Variants in CPNE4 observed in about 807,000 individuals in gnomAD.
CPNE4 encodes the protein copine 4, also known as copine-4.
In CPNE4, 25 loss-of-function variants were observed where a neutral mutation model predicts 67.9. The ratio of observed to expected loss-of-function variants is 0.37; its 90% CI spans 0.27 to 0.51. CPNE4 has a LOEUF of 0.51. Ranked by LOEUF, CPNE4 falls within the 20% of genes least tolerant of loss-of-function variation. The probability of loss-of-function intolerance (pLI) is 0.93; values close to 1 mark genes in which losing one functional copy is unlikely to be tolerated. For synonymous variants in CPNE4, 242 were observed against 244.9 expected (o/e 0.99, Z 0.11); for missense variants, 464 against 690.8 (o/e 0.67, Z 3.68).
intron 2 of CPNE4, among the ~76,000 whole-genome samples, chr3:131,862,557 T>C (rs1188251007): frequency 4.6e-5 from 7 of 152,150 alleles, no homozygotes; most frequent in Non-Finnish European, 2.9e-5. Flanking sequence ...ACATTCATTT[T>C]GATCCAAACA....
intron 2 of CPNE4, among the ~76,000 whole-genome samples, chr3:131,864,954 A>C (rs1396869272): frequency 6.6e-6 from 1 of 150,662 alleles, no homozygotes; most frequent in African/African-American, 2.4e-5. Context: ...TTCTGCATCT[A>C]TTGAGATAAT....
At chr3:131,584,819 A>G (rs1938073848) in intron 8 of CPNE4, among the ~76,000 whole-genome samples, 1 of 152,142 alleles carries the variant, frequency 6.6e-6, no homozygotes, top group African/African-American at 2.4e-5. Context: ...TTGTTATTTA[A>G]TTTTATTTTA....
intron 1 of CPNE4, among the ~76,000 whole-genome samples, chr3:131,921,804 G>A (rs143070147): frequency 2.0e-4 from 31 of 152,254 alleles, no homozygotes; most frequent in African/African-American, 3.8e-4. Flanking sequence ...ATGATGAATC[G>A]TCAAAGTAAT....
intron 2 of CPNE4, among the ~76,000 whole-genome samples, chr3:131,893,834 T>A (rs1440738130): frequency 6.6e-6 from 1 of 151,886 alleles, no homozygotes; most frequent in African/African-American, 2.4e-5. Context: ...AAAGGGTCAT[T>A]TATGGTAAGA....
intron 7 of CPNE4, among the ~76,000 whole-genome samples, chr3:131,592,232 T>G (rs184938035): frequency 1.3e-5 from 2 of 152,322 alleles, no homozygotes; most frequent in Admixed American, 6.5e-5. Context: ...TTCAGAGCAC[T>G]TCATACATAT....
chr3:131,835,013 G>T (rs2085502012), intron 2 of CPNE4, among the ~76,000 whole-genome samples: 1 of 152,122 alleles, frequency 6.6e-6, no homozygotes, highest in Non-Finnish European at 1.5e-5. Context: ...CAGTCAGGAT[G>T]GAATAAGCAC....
chr3:131,828,774 A>G (rs1237836190), intron 2 of CPNE4, among the ~76,000 whole-genome samples: 1 of 152,146 alleles, frequency 6.6e-6, no homozygotes, highest in South Asian at 2.1e-4. Context: ...TTGAGGCTGC[A>G]GTGAGCTTCT....
At chr3:131,799,037 C>G (rs1193024836) in intron 2 of CPNE4, among the ~76,000 whole-genome samples, 1 of 151,830 alleles carries the variant, frequency 6.6e-6, no homozygotes, top group Non-Finnish European at 1.5e-5. Context: ...TTTTCAAACT[C>G]TCCTGACAAG....
At chr3:131,949,703 C>A (rs2071664197) in intron 1 of CPNE4, among the ~76,000 whole-genome samples, 4 of 152,112 alleles carry the variant, frequency 2.6e-5, no homozygotes. Flanking sequence ...TGCAAGGAAG[C>A]ATTCCCTGAC....
intron 7 of CPNE4, among the ~76,000 whole-genome samples, chr3:131,657,695 C>A (rs1033509021): frequency 7.8e-6 from 1 of 128,000 alleles, no homozygotes; most frequent in Non-Finnish European, 1.6e-5. Flanking sequence ...CCACCACGTC[C>A]AGCTAATTTT....
chr3:131,844,654 AATT>A (rs2085928053), intron 2 of CPNE4, among the ~76,000 whole-genome samples: 1 of 152,230 alleles, frequency 6.6e-6, no homozygotes, highest in South Asian at 2.1e-4. Flanking sequence ...TTATTGTAAT[AATT>A]ATTAACATAT....
intron 2 of CPNE4, among the ~76,000 whole-genome samples, chr3:131,775,526 T>C (rs958581966): frequency 2.0e-5 from 3 of 152,080 alleles, no homozygotes; most frequent in East Asian, 1.9e-4. Context: ...TGGGAGGTAA[T>C]TGAATCATGG....
At chr3:131,669,232 C>A (rs2080340243) in intron 7 of CPNE4, among the ~76,000 whole-genome samples, 1 of 152,136 alleles carries the variant, frequency 6.6e-6, no homozygotes, top group African/African-American at 2.4e-5. Context: ...AAAGTCCAGG[C>A]AAGATCAACA....
upstream of CPNE4, among the ~76,000 whole-genome samples, chr3:132,036,848 A>G (rs2074348175): frequency 6.6e-6 from 1 of 152,208 alleles, no homozygotes; most frequent in Non-Finnish European, 1.5e-5. Context: ...TACAGGTGAG[A>G]GAAAAGGAAT....
At chr3:131,810,749 C>T (rs2084493201) in intron 2 of CPNE4, among the ~76,000 whole-genome samples, 2 of 152,090 alleles carry the variant, frequency 1.3e-5, no homozygotes, top group African/African-American at 4.8e-5. Flanking sequence ...TTCATTGCAG[C>T]ATTGTTCACA....
chr3:131,539,110 T>C (rs1011489891), intron 15 of CPNE4, among the ~76,000 whole-genome samples: 10 of 152,182 alleles, frequency 6.6e-5, no homozygotes, highest in African/African-American at 2.4e-4. Flanking sequence ...CCCTTTTATT[T>C]ATGGCTTATT....
chr3:131,739,457 T>G (rs1208103823), intron 2 of CPNE4, among the ~76,000 whole-genome samples: 2 of 152,202 alleles, frequency 1.3e-5, no homozygotes, highest in Non-Finnish European at 2.9e-5. Context: ...TGCTTCCTGT[T>G]TCTAAGGAAC....
chr3:131,652,202 A>G (rs1296581864), intron 7 of CPNE4, among the ~76,000 whole-genome samples: 3 of 152,242 alleles, frequency 2.0e-5, no homozygotes, highest in Non-Finnish European at 2.9e-5. Context: ...AGAGCAAGGT[A>G]GTATATGATA....
intron 2 of CPNE4, among the ~76,000 whole-genome samples, chr3:131,805,783 G>T (rs554808843): frequency 6.6e-6 from 1 of 152,278 alleles, no homozygotes; most frequent in Admixed American, 6.5e-5. Context: ...ATTGCCTCAC[G>T]AGTTATATAG....
Sources: allele counts gnomAD v4.1 joint callset (sites outside exome capture counted in the v4.1 genomes callset), GRCh38; gene constraint gnomAD v4.1.1; transcripts MANE v1.5; gene names NCBI Gene and HGNC (gene_info 2026-07-23, HGNC 2026-07-21).